The following KCNAB1 variants were observed in gnomAD, a reference collection of about 807,000 sequenced individuals.
KCNAB1 encodes the protein voltage-gated potassium channel subunit beta-1.
Under a neutral mutation model 64.6 loss-of-function variants are expected in KCNAB1, and 35 were observed. The observed-to-expected ratio is 0.54, with a 90% CI of 0.41 to 0.72. The LOEUF is 0.72. KCNAB1 is among the 30% of genes least tolerant of loss of function. The probability of loss-of-function intolerance (pLI) is 0.00; values close to 1 mark genes in which losing one functional copy is unlikely to be tolerated. For missense variants in KCNAB1, 401 were observed against 512.9 expected, an observed-to-expected ratio of 0.78 and a Z score of 2.11; for synonymous variants, 177 against 183.8, an observed-to-expected ratio of 0.96 and a Z score of 0.30.
chr3:156,312,051 G>T (rs1366839466), intron 1 of KCNAB1, among the ~76,000 whole-genome samples: 1 of 152,122 alleles, frequency 6.6e-6, no homozygotes, highest in East Asian at 1.9e-4. Context: ...ATTTTAAACT[G>T]CCGTGTGCTC....
chr3:156,266,321 G>A (rs1282025369), intron 1 of KCNAB1, among the ~76,000 whole-genome samples: 1 of 152,110 alleles, frequency 6.6e-6, no homozygotes, highest in African/African-American at 2.4e-5. Context: ...AAAAACTGGG[G>A]ACACACTAAT....
At chr3:156,359,598 A>G (rs1725473547) in intron 1 of KCNAB1, among the ~76,000 whole-genome samples, 1 of 152,250 alleles carries the variant, frequency 6.6e-6, no homozygotes, top group Non-Finnish European at 1.5e-5. Context: ...CAGGACACCA[A>G]GAGAACAATG....
chr3:156,344,353 G>A (rs959484819), intron 1 of KCNAB1, among the ~76,000 whole-genome samples: 1 of 152,006 alleles, frequency 6.6e-6, no homozygotes, highest in Non-Finnish European at 1.5e-5. Context: ...TTCTCTCCTC[G>A]CCTGCCGAGA....
intron 1 of KCNAB1, among the ~76,000 whole-genome samples, chr3:156,123,844 T>A (rs973653812): frequency 1.3e-5 from 2 of 152,226 alleles, no homozygotes; most frequent in African/African-American, 4.8e-5. Flanking sequence ...AATAAAATTT[T>A]TTTTCTGTTT....
At chr3:156,429,210 T>G (rs1273054213) in intron 2 of KCNAB1, among the ~76,000 whole-genome samples, 11 of 152,250 alleles carry the variant, frequency 7.2e-5, no homozygotes, top group African/African-American at 2.4e-4. Flanking sequence ...TTGTCTTATC[T>G]GGATGGATTA....
intron 2 of KCNAB1, among the ~76,000 whole-genome samples, chr3:156,450,864 C>T (rs1576883195): frequency 1.1e-5 from 1 of 90,444 alleles, no homozygotes; most frequent in Non-Finnish European, 1.8e-5. Context: ...CATCCACCCA[C>T]CCCCCCCCAA....
chr3:156,190,021 A>G (rs1397147547), intron 1 of KCNAB1, among the ~76,000 whole-genome samples: 1 of 152,258 alleles, frequency 6.6e-6, no homozygotes, highest in Non-Finnish European at 1.5e-5. Context: ...TGTTTATTTT[A>G]AGAAAATTTG....
intron 1 of KCNAB1, among the ~76,000 whole-genome samples, chr3:156,258,852 C>T (rs1321612933): frequency 6.6e-6 from 1 of 152,188 alleles, no homozygotes; most frequent in East Asian, 1.9e-4. Flanking sequence ...AATAATGTGC[C>T]TTGCTGTTGA....
At chr3:156,239,259 G>C (rs570329886) in intron 1 of KCNAB1, among the ~76,000 whole-genome samples, 2 of 152,158 alleles carry the variant, frequency 1.3e-5, no homozygotes, top group Non-Finnish European at 2.9e-5. Flanking sequence ...TGGGTATTTT[G>C]TGGTCATTGG....
intron 1 of KCNAB1, among the ~76,000 whole-genome samples, chr3:156,219,695 T>TTTTTTATTATTA (rs1364657333): frequency 2.0e-5 from 3 of 146,740 alleles, no homozygotes; most frequent in African/African-American, 7.5e-5. Context: ...AAGGAATCTT[T>TTTTTTATTATTA]TTATTATTAT....
intron 12 of KCNAB1, among the ~76,000 whole-genome samples, chr3:156,529,983 A>T (rs950756911): frequency 1.3e-5 from 2 of 152,132 alleles, no homozygotes; most frequent in African/African-American, 2.4e-5. Context: ...GCTCCTGGGG[A>T]CCTTAGCTTC....
intron 1 of KCNAB1, among the ~76,000 whole-genome samples, chr3:156,314,512 C>A (rs1722145779): frequency 6.6e-6 from 1 of 152,238 alleles, no homozygotes; most frequent in Non-Finnish European, 1.5e-5. Flanking sequence ...TGCATTACTG[C>A]CTCCATAAGC....
intron 1 of KCNAB1, among the ~76,000 whole-genome samples, chr3:156,272,574 C>T (rs1182100314): frequency 4.0e-5 from 6 of 151,898 alleles, no homozygotes; most frequent in Non-Finnish European, 7.4e-5. Flanking sequence ...GTGGTGAATG[C>T]TGCCAGGCCT....
At chr3:156,469,416 C>G (rs1713708013) in intron 7 of KCNAB1, among the ~76,000 whole-genome samples, 1 of 151,842 alleles carries the variant, frequency 6.6e-6, no homozygotes, top group African/African-American at 2.4e-5. Flanking sequence ...GCCACCGTGC[C>G]CAGCTAATTT....
chr3:156,463,894 A>G, intron 6 of KCNAB1, 148 bp downstream of exon 6: 1 of 569,098 alleles, frequency 1.8e-6, no homozygotes, highest in Non-Finnish European at 3.0e-6. Context: ...CACACTAAGG[A>G]AATAGCAATT....
At chr3:156,519,527 G>A (rs1717791904) in intron 11 of KCNAB1, among the ~76,000 whole-genome samples, 1 of 152,104 alleles carries the variant, frequency 6.6e-6, no homozygotes, top group South Asian at 2.1e-4. Flanking sequence ...TGAGCTATTT[G>A]TACCTTCTCT....
Position 156,537,036 on chromosome 3 carries a change from T to C in KCNAB1, c.*289T>C. The C allele has an allele frequency of 2.2e-6, 1 of 464,684 alleles. No individual in the cohort carries two copies. Among genetic ancestry groups the C allele is most frequent in the Non-Finnish European group, 3.8e-6 (1 of 265,320 alleles). The allele number at this position is 464,684 out of a possible 1,614,324, so 28.8% of individuals were successfully genotyped here. On this transcript the variant is annotated 3_prime_UTR_variant, in exon 14 of 14. Coordinates refer to ENST00000490337, the MANE Select transcript of KCNAB1 (RefSeq NM_172160.3). ...TGGGAAGAATATGGGGGCCAGGGGG[T>C]GTGGTACTACCTTCAGGCATTTGGT...
At chr3:156,444,103 A>T (rs1717225656) in intron 2 of KCNAB1, among the ~76,000 whole-genome samples, 1 of 152,252 alleles carries the variant, frequency 6.6e-6, no homozygotes, top group African/African-American at 2.4e-5. Context: ...GGATCCAAAA[A>T]TAAGGGCCAG....
chr3:156,354,047 ATGTGTGTGTGTGTG>A (rs368761986), intron 1 of KCNAB1, among the ~76,000 whole-genome samples: 1 of 137,566 alleles, frequency 7.3e-6, no homozygotes, highest in Non-Finnish European at 1.6e-5. Flanking sequence ...GTGTATATAT[ATGTGTGTGTGTGTG>A]TGTGTGTGTG....
Sources: allele counts gnomAD v4.1 joint callset (sites outside exome capture counted in the v4.1 genomes callset), GRCh38; gene constraint gnomAD v4.1.1; transcripts MANE v1.5; gene names NCBI Gene and HGNC (gene_info 2026-07-23, HGNC 2026-07-21).